Variants in DLST observed in about 807,000 individuals in gnomAD.
DLST encodes the protein dihydrolipoamide S-succinyltransferase.
In DLST, 17 loss-of-function variants were observed where a neutral mutation model predicts 53.1. That is an observed-to-expected ratio of 0.32 (90% confidence interval 0.22 to 0.48). DLST has a LOEUF of 0.48. DLST is among the 20% of genes least tolerant of loss of function. The pLI is 0.99. For missense variants in DLST, 512 were observed against 583.9 expected (o/e 0.88, Z 1.27); for synonymous variants, 206 against 204.8 (o/e 1.01, Z -0.05).
rs1360293032 is a variant in DLST, at chr14:74,901,319, A to G, written c.1227+86A>G. The G allele has an allele frequency of 1.1e-5, 14 of 1,331,942 alleles. No individual in the cohort carries two copies. The African/African-American group carries it at 1.2e-4, about 11-fold the overall frequency. The allele number at this position is 1,331,942 out of a possible 1,614,324, so 82.5% of individuals were successfully genotyped here. Reference sequence around the variant, plus strand: ...AAATGCTAATTGTAAAACATTAACTATAATTTCAGGCCTAAGTTCCATTTC... The same window carrying G: ...AAATGCTAATTGTAAAACATTAACTGTAATTTCAGGCCTAAGTTCCATTTC... On this transcript the variant is annotated intron_variant, in intron 14 of 14. Transcript: ENST00000334220.
rs1405654244 is a variant in DLST at position 74,901,169 on chromosome 14, C to T, written c.1163C>T (p.Pro388Leu). ...GSLFGTPIIN[P>L]PQSAILGMHG... is the part of the protein sequence containing the mutation. ...CTCTTTGGAACACCCATTATCAACC[C>T]CCCTCAGTCTGCCATCCTGGGGATG... is the stretch of plus-strand genomic sequence containing the variant. Residue 388 changes from proline (P) to leucine (L), a missense_variant, in exon 14 of 15, where the codon CCC becomes CTC. Pro to Leu is a moderately conservative substitution (Grantham distance 98, BLOSUM62 -3). Coordinates refer to ENST00000334220, the MANE Select transcript of DLST (RefSeq NM_001933.5). The T allele has an allele frequency of 4.3e-6, 7 of 1,614,102 alleles. No individual in the cohort carries two copies. The highest frequency in any genetic ancestry group is 5.9e-6 in the Non-Finnish European group (7 of 1,180,042).
intron 10 of DLST, among the ~76,000 whole-genome samples, chr14:74,897,812 C>T (rs916705636): frequency 6.6e-6 from 1 of 152,140 alleles, no homozygotes; most frequent in African/African-American, 2.4e-5. Context: ...TTATACCCTT[C>T]CCTGCAGAGT....
intron 3 of DLST, 74 bp from the exon 4 acceptor site, chr14:74,889,021 C>G: frequency 1.3e-6 from 2 of 1,484,872 alleles, no homozygotes; most frequent in Non-Finnish European, 1.9e-6. Flanking sequence ...GGAAGGTGAC[C>G]CATGGGGCCT....
chr14:74,891,582 A>G (rs1349670786), intron 7 of DLST: 7 of 990,812 alleles, frequency 7.1e-6, no homozygotes, highest in African/African-American at 3.5e-5. Flanking sequence ...TGGGGAATTC[A>G]GTGTTGTTTC....
chr14:74,885,071 C>T (rs562561755), intron 2 of DLST, among the ~76,000 whole-genome samples: 4 of 152,198 alleles, frequency 2.6e-5, no homozygotes, highest in South Asian at 4.2e-4. Flanking sequence ...CTGGAGACCC[C>T]GAGCCTAAAG....
chr14:74,900,475 T>C (rs1884210016), intron 13 of DLST, 103 bp downstream of exon 13: 2 of 993,342 alleles, frequency 2.0e-6, no homozygotes, highest in Admixed American at 3.9e-5. Flanking sequence ...GTCAAGTGCA[T>C]AGCCCCTGAG....
intron 5 of DLST, chr14:74,889,600 A>G: frequency 1.9e-6 from 1 of 535,890 alleles, no homozygotes. Flanking sequence ...CAAACTCCTG[A>G]CCTCAGGTGA....
intron 10 of DLST, among the ~76,000 whole-genome samples, chr14:74,897,898 G>GGAGGAATATCA (rs1450584105): frequency 2.0e-5 from 3 of 151,414 alleles, no homozygotes; most frequent in Admixed American, 6.6e-5. Context: ...TCAAGAGATA[G>GGAGGAATATCA]GAGGAATATC....
chr14:74,900,114 A>G, intron 12 of DLST, 118 bp downstream of exon 12: 1 of 1,132,842 alleles, frequency 8.8e-7, no homozygotes, highest in African/African-American at 1.6e-5. Flanking sequence ...GGAGTTAGTA[A>G]AAGTAACCTT....
intron 7 of DLST, 50 bp from the exon 8 acceptor site, chr14:74,892,784 G>A: frequency 1.3e-6 from 2 of 1,536,728 alleles, no homozygotes; most frequent in Non-Finnish European, 1.7e-6. Context: ...TTGCTTGGTT[G>A]CTTCTCATTT....
intron 2 of DLST, among the ~76,000 whole-genome samples, chr14:74,883,310 A>G (rs1883595623): frequency 6.6e-6 from 1 of 151,920 alleles, no homozygotes. Flanking sequence ...AAAAAAAAAA[A>G]AAAAGTTATG....
chr14:74,896,204 C>T (rs1013563939), intron 10 of DLST, among the ~76,000 whole-genome samples: 1 of 152,188 alleles, frequency 6.6e-6, no homozygotes, highest in Non-Finnish European at 1.5e-5. Flanking sequence ...TTTTGTCAGC[C>T]TTGTGGAGAA....
chr14:74,893,368 G>GTT lies in DLST; in HGVS notation c.617_618dup (p.Ala207LeufsTer5). The GTT allele has an allele frequency of 6.2e-7, 1 of 1,614,180 alleles. No homozygotes were observed. The highest frequency in any genetic ancestry group is 8.5e-7 in the Non-Finnish European group (1 of 1,180,052). On this transcript the variant is annotated frameshift_variant, in exon 9 of 15. Coordinates refer to ENST00000334220, the MANE Select transcript of DLST (RefSeq NM_001933.5). LOFTEE classifies it high-confidence loss of function. ...TTCAGTGTCTGCAGTAAAACCCACT[G>GTT]TTGCCCCACCACTAGCTGAGCCAGG...
rs1059322 is a variant in DLST, at chr14:74,902,362, G to T, written c.*32G>T. 3 of 1,576,350 alleles carry T rather than the reference G, an allele frequency of 1.9e-6. No homozygotes were observed. In the Admixed American group the frequency reaches 5.1e-5, roughly 27 times the overall value. The stretch of plus-strand genomic sequence containing the variant: ...CCCACACACCCTACAAGTTGATCAT[G>T]CAGGAACTGAAAACCAGTCTTCTCC... On this transcript the variant is annotated 3_prime_UTR_variant, in exon 15 of 15. Transcript: ENST00000334220.
chr14:74,883,746 TG>T (rs1883612463), intron 2 of DLST, among the ~76,000 whole-genome samples: 1 of 152,224 alleles, frequency 6.6e-6, no homozygotes, highest in Non-Finnish European at 1.5e-5. Context: ...GCCTTGGCCA[TG>T]GTCACCCACC....
At chr14:74,889,722 T>C (rs1009867384) in intron 5 of DLST, 175 bp from the exon 6 acceptor site, 21 of 616,130 alleles carry the variant, frequency 3.4e-5, no homozygotes, top group Middle Eastern at 8.2e-4. Flanking sequence ...TCTAAAATTC[T>C]CCCCTCCCCT....
In DLST at chr14:74,901,236, A is replaced by G. The variant is rs1209625552; in HGVS notation, c.1227+3A>G. On this transcript the variant is annotated splice_donor_region_variant and intron_variant, in intron 14 of 14. Transcript: ENST00000334220. The stretch of plus-strand genomic sequence containing the variant: ...GGCCAGTGGCTATAGGAGGCAAGGT[A>G]GGAACCGTCACTTCTAAGGTCCTAG... 1.9e-6 allele frequency: 3 copies of G among 1,613,530 alleles called. No individual in the cohort carries two copies. Among genetic ancestry groups the G allele is most frequent in the Non-Finnish European group, 2.5e-6 (3 of 1,179,818 alleles).
intron 3 of DLST, among the ~76,000 whole-genome samples, chr14:74,887,277 A>T (rs1021736068): frequency 3.9e-5 from 6 of 152,186 alleles, no homozygotes; most frequent in Admixed American, 2.0e-4. Context: ...TCCCATTGTA[A>T]GTATTCTTTT....
intron 14 of DLST, 120 bp downstream of exon 14, chr14:74,901,353 T>C: frequency 1.0e-6 from 1 of 992,842 alleles, no homozygotes; most frequent in Non-Finnish European, 1.5e-6. Context: ...TCTTAGTTTC[T>C]AATAGCTAAG....
Sources: gnomAD v4.1 joint callset for allele counts (sites outside exome capture counted in the v4.1 genomes callset) on GRCh38, gnomAD v4.1.1 for gene constraint, MANE v1.5 for transcripts, NCBI Gene and HGNC (gene_info 2026-07-23, HGNC 2026-07-21) for gene names.